CUX2: variants seen among roughly 807,000 people sequenced by gnomAD.
The protein encoded by CUX2 is cut like homeobox 2, also known as homeobox protein cut-like 2.
In CUX2, 40 loss-of-function variants were observed where a neutral mutation model predicts 144.8. That is an observed-to-expected ratio of 0.28 (90% CI 0.21 to 0.36). The LOEUF is 0.36. CUX2 is among the 10% of genes least tolerant of loss of function. CUX2 has a pLI of 1.00. For missense variants in CUX2, 1,615 were observed against 1,994.0 expected, an observed-to-expected ratio of 0.81 and a Z score of 3.62; for synonymous variants, 827 against 875.6, an observed-to-expected ratio of 0.94 and a Z score of 0.98.
intron 1 of CUX2, among the ~76,000 whole-genome samples, chr12:111,054,498 T>G (rs1320078279): frequency 6.6e-6 from 1 of 152,224 alleles, no homozygotes; most frequent in South Asian, 2.1e-4. Flanking sequence ...GAAGAGCTTT[T>G]TAAATTTTTT....
chr12:111,326,637 C>T (rs377253042), intron 18 of CUX2, among the ~76,000 whole-genome samples: 1 of 152,010 alleles, frequency 6.6e-6, no homozygotes, highest in Non-Finnish European at 1.5e-5. Context: ...GGCACCGTGG[C>T]TCACACCTGT....
intron 1 of CUX2, among the ~76,000 whole-genome samples, chr12:111,053,065 GC>G (rs1279635125): frequency 6.6e-6 from 1 of 151,920 alleles, no homozygotes; most frequent in Non-Finnish European, 1.5e-5. Context: ...CTCTGCTCTT[GC>G]CAGATACATG....
chr12:111,200,008 C>G (rs1880481769), intron 1 of CUX2, among the ~76,000 whole-genome samples: 1 of 152,142 alleles, frequency 6.6e-6, no homozygotes, highest in Admixed American at 6.5e-5. Context: ...ACATGCATTA[C>G]TGTACTGTTA....
chr12:111,319,697 A>G (rs1195770618), intron 16 of CUX2, among the ~76,000 whole-genome samples: 1 of 152,186 alleles, frequency 6.6e-6, no homozygotes, highest in Admixed American at 6.6e-5. Flanking sequence ...GTGCCATTGC[A>G]CTCCATCCTG....
chr12:111,185,447 C>T (rs1455365191), intron 1 of CUX2, among the ~76,000 whole-genome samples: 1 of 152,226 alleles, frequency 6.6e-6, no homozygotes, highest in Non-Finnish European at 1.5e-5. Context: ...GGTGGTCACC[C>T]AGAGCAGGGA....
chr12:111,174,303 G>T (rs1368148812), intron 1 of CUX2, among the ~76,000 whole-genome samples: 3 of 152,232 alleles, frequency 2.0e-5, no homozygotes, highest in Non-Finnish European at 2.9e-5. Context: ...GATGACAGCA[G>T]GCATGGAGAG....
Position 111,350,506 on chromosome 12 carries a change from AAGG to A in CUX2, c.*2183_*2185del, listed in dbSNP as rs1273942689. 1 of 152,476 alleles carries A rather than the reference AAGG, an allele frequency of 6.6e-6. No individual in the cohort carries two copies. Among genetic ancestry groups the A allele is most frequent in the East Asian group, 1.9e-4 (1 of 5,196 alleles). The allele number at this position is 152,476 out of a possible 1,614,324, so 9.4% of individuals were successfully genotyped here. A position where few individuals can be genotyped will look rare whatever the true frequency, so the allele number is the denominator to read the frequency against. On this transcript the variant is annotated 3_prime_UTR_variant, in exon 22 of 22. Coordinates refer to ENST00000261726, the MANE Select transcript of CUX2 (RefSeq NM_015267.4). ...TGAACTTTGTTTAAAATTTTAAAAA[AAGG>A]AACACGTTCTGTAAACGAGTCGCTA...
chr12:111,162,864 G>A (rs1434059284), intron 1 of CUX2, among the ~76,000 whole-genome samples: 2 of 152,076 alleles, frequency 1.3e-5, no homozygotes, highest in African/African-American at 4.8e-5. Flanking sequence ...TGGCCAACAT[G>A]GTGAAACCCC....
chr12:111,067,568 G>T (rs1871074547), intron 1 of CUX2, among the ~76,000 whole-genome samples: 1 of 152,170 alleles, frequency 6.6e-6, no homozygotes, highest in Non-Finnish European at 1.5e-5. Context: ...TTCAGACCGA[G>T]TTTCTGCCAC....
chr12:111,083,853 G>A (rs976544407), intron 1 of CUX2, among the ~76,000 whole-genome samples: 1 of 152,182 alleles, frequency 6.6e-6, no homozygotes, highest in African/African-American at 2.4e-5. Flanking sequence ...CATCCACAGG[G>A]CAGCCCGCCT....
chr12:111,129,843 C>A lies in CUX2; in HGVS notation c.64-84357C>A, dbSNP rs1875350763. On this transcript the variant is annotated intron_variant, in intron 1 of 21. Coordinates refer to ENST00000261726, the MANE Select transcript of CUX2 (RefSeq NM_015267.4). ...TGGGGACTGTGTCTGCTGGGTATGT[C>A]TATTTCAATTATGCATTCCAGAACT... Among the ~76,000 whole-genome samples the A allele has an allele frequency of 2.0e-5, 3 of 152,326 alleles. No individual in the cohort carries two copies. In the South Asian group the frequency reaches 6.2e-4, roughly 32 times the overall value.
At position 111,178,309 on chromosome 12, in the gene CUX2, A is replaced by T. The variant is rs1431881949; in HGVS notation, c.64-35891A>T. On this transcript the variant is annotated intron_variant, in intron 1 of 21. Coordinates refer to ENST00000261726, the MANE Select transcript of CUX2 (RefSeq NM_015267.4). This position sits in a 1 kb window ranked among gnomAD's most constrained non-coding sequence, Gnocchi z 5.7. Reference sequence around the variant, plus strand: ...TTGGCTGGAGTGTATGATAAATCTAATATACTGTGGCCTCTCTGTATGAGA... The same window carrying T: ...TTGGCTGGAGTGTATGATAAATCTATTATACTGTGGCCTCTCTGTATGAGA... Among the ~76,000 whole-genome samples, 2 of 152,236 alleles carry T rather than the reference A, an allele frequency of 1.3e-5. No individual in the cohort carries two copies. Among genetic ancestry groups the T allele is most frequent in the Admixed American group, 6.5e-5 (1 of 15,290 alleles).
At chr12:111,043,822 C>T (rs1273810347) in intron 1 of CUX2, among the ~76,000 whole-genome samples, 1 of 152,202 alleles carries the variant, frequency 6.6e-6, no homozygotes, top group African/African-American at 2.4e-5. Context: ...GGATTTGAAT[C>T]CTAGTTGCCC....
chr12:111,163,660 C>T (rs1237916110), intron 1 of CUX2, among the ~76,000 whole-genome samples: 3 of 152,184 alleles, frequency 2.0e-5, no homozygotes, highest in African/African-American at 7.2e-5. Flanking sequence ...CACCGTTTGG[C>T]TATATAAGCA....
intron 1 of CUX2, among the ~76,000 whole-genome samples, chr12:111,202,220 C>T (rs1366544503): frequency 2.0e-5 from 3 of 152,232 alleles, no homozygotes; most frequent in Non-Finnish European, 2.9e-5. Context: ...TTGGACCAGA[C>T]GTGTCAGCCC....
chr12:111,072,627 G>A (rs913743472), intron 1 of CUX2, among the ~76,000 whole-genome samples: 4 of 152,234 alleles, frequency 2.6e-5, no homozygotes, highest in Admixed American at 2.6e-4. Context: ...CTAGGCAACT[G>A]GGGAGACCTG....
At chr12:111,103,827 G>A (rs1038989454) in intron 1 of CUX2, among the ~76,000 whole-genome samples, 1 of 152,230 alleles carries the variant, frequency 6.6e-6, no homozygotes, top group Non-Finnish European at 1.5e-5. Context: ...ATCCTACTCA[G>A]ATCTTGGCTC....
chr12:111,290,004 A>G (rs1885586917), intron 4 of CUX2, among the ~76,000 whole-genome samples: 1 of 152,186 alleles, frequency 6.6e-6, no homozygotes, highest in Non-Finnish European at 1.5e-5. Flanking sequence ...TCCCCGCTTC[A>G]CACAGGCATG....
At chr12:111,123,476 G>A (rs556057567) in intron 1 of CUX2, among the ~76,000 whole-genome samples, 2 of 151,484 alleles carry the variant, frequency 1.3e-5, no homozygotes, top group Non-Finnish European at 2.9e-5. Context: ...GAGCCACCAC[G>A]CCCAGCCATT....
Sources: gnomAD v4.1 joint callset for allele counts (sites outside exome capture counted in the v4.1 genomes callset) on GRCh38, gnomAD v4.1.1 for gene constraint, Gnocchi (gnomAD v3.1) non-coding constraint, MANE v1.5 for transcripts, NCBI Gene and HGNC (gene_info 2026-07-23, HGNC 2026-07-21) for gene names.